The following USH2A variants were observed in gnomAD, a reference collection of about 807,000 sequenced individuals.
USH2A encodes Usher syndrome 2A (autosomal recessive, mild).
USH2A carries 443 observed loss-of-function variants against 538.9 expected under a neutral mutation model. The ratio of observed to expected loss-of-function variants is 0.82; its 90% CI spans 0.76 to 0.89. The LOEUF (loss-of-function observed/expected upper bound fraction) is 0.89. USH2A is among the 40% of genes least tolerant of loss of function. The pLI is 0.00. For missense variants in USH2A, 6,633 were observed against 6,324.8 expected (o/e 1.05, Z -1.65); for synonymous variants, 2,413 against 2,273.5 (o/e 1.06, Z -1.75).
At chr1:215,667,623 G>C (rs1038986196) in intron 64 of USH2A, among the ~76,000 whole-genome samples, 1 of 151,828 alleles carries the variant, frequency 6.6e-6, no homozygotes, top group Non-Finnish European at 1.5e-5. Flanking sequence ...GCTTAAACCC[G>C]GGAGGCGGAG....
chr1:216,261,828 G>A (rs2036379542), intron 11 of USH2A, among the ~76,000 whole-genome samples: 1 of 152,070 alleles, frequency 6.6e-6, no homozygotes, highest in Non-Finnish European at 1.5e-5. Context: ...CCTAAGCTAG[G>A]TGACCCATCA....
intron 32 of USH2A, among the ~76,000 whole-genome samples, chr1:216,017,446 ATCTT>A (rs1169129108): frequency 1.3e-5 from 2 of 152,226 alleles, no homozygotes; most frequent in South Asian, 2.1e-4. Flanking sequence ...ACTTGGCTAA[ATCTT>A]TCTTGCAAAA....
intron 46 of USH2A, among the ~76,000 whole-genome samples, chr1:215,839,724 A>C (rs1450197922): frequency 6.6e-6 from 1 of 152,188 alleles, no homozygotes; most frequent in Non-Finnish European, 1.5e-5. Context: ...ACCTATTTCT[A>C]GTGCTAAAAC....
At chr1:216,152,535 C>T (rs562888653) in intron 21 of USH2A, among the ~76,000 whole-genome samples, 2 of 152,092 alleles carry the variant, frequency 1.3e-5, no homozygotes, top group Admixed American at 1.3e-4. Flanking sequence ...CTGTAATTTT[C>T]CTTTACCTAC....
At chr1:215,630,518 AT>A (rs1558029552) in intron 70 of USH2A, among the ~76,000 whole-genome samples, 2 of 106,452 alleles carry the variant, frequency 1.9e-5, no homozygotes, top group African/African-American at 3.3e-5. Flanking sequence ...ATATATATAT[AT>A]ATATATATGA....
At chr1:215,772,317 T>C (rs935059360) in intron 55 of USH2A, among the ~76,000 whole-genome samples, 2 of 152,218 alleles carry the variant, frequency 1.3e-5, no homozygotes, top group African/African-American at 4.8e-5. Context: ...GAAAACATCA[T>C]TCAAGTGCTC....
intron 35 of USH2A, among the ~76,000 whole-genome samples, chr1:215,971,033 C>T (rs1046135050): frequency 1.3e-5 from 2 of 152,140 alleles, no homozygotes; most frequent in Non-Finnish European, 2.9e-5. Flanking sequence ...CTTTCTATTG[C>T]ATCCTGTTAA....
At chr1:215,863,403 G>C (rs983323865) in intron 44 of USH2A, among the ~76,000 whole-genome samples, 1 of 152,128 alleles carries the variant, frequency 6.6e-6, no homozygotes, top group African/African-American at 2.4e-5. Context: ...ATGAGATTTG[G>C]AATTATTTAC....
intron 37 of USH2A, among the ~76,000 whole-genome samples, chr1:215,961,152 A>G (rs890605687): frequency 1.3e-5 from 2 of 151,978 alleles, no homozygotes; most frequent in Non-Finnish European, 2.9e-5. Context: ...CGATCATCTA[A>G]TAGATATAAA....
intron 20 of USH2A, among the ~76,000 whole-genome samples, chr1:216,187,495 A>T (rs1434701904): frequency 1.3e-5 from 2 of 151,970 alleles, no homozygotes; most frequent in Non-Finnish European, 2.9e-5. Context: ...TCTGAATGAC[A>T]TACTTCTTAC....
At chr1:215,947,687 G>A (rs945189498) in intron 37 of USH2A, among the ~76,000 whole-genome samples, 4 of 152,126 alleles carry the variant, frequency 2.6e-5, no homozygotes, top group Non-Finnish European at 2.9e-5. Context: ...GAAGGAGTGC[G>A]TTGATTTGTT....
Position 215,897,357 on chromosome 1 carries a change from G to A in USH2A, c.7594+2718C>T, listed in dbSNP as rs79056031. 3.3e-3 allele frequency among the ~76,000 whole-genome samples: 501 copies of A among 152,226 alleles called. 17 individuals carry two copies. The East Asian group carries it at 0.062, about 19-fold the overall frequency. On this transcript the variant is annotated intron_variant, in intron 40 of 71. Transcript: ENST00000307340. ...GGGCACGAGGCGACTTCTCTGTTTCGTTCTGTAAGACGATATGTGAAATTT... is the reference window on the plus strand; with the variant it reads ...GGGCACGAGGCGACTTCTCTGTTTCATTCTGTAAGACGATATGTGAAATTT...
chr1:215,829,370 C>G (rs149378296), intron 47 of USH2A, among the ~76,000 whole-genome samples: 23 of 152,184 alleles, frequency 1.5e-4, no homozygotes, highest in African/African-American at 5.5e-4. Flanking sequence ...GTACACTGCA[C>G]GCATATAATC....
At chr1:216,039,170 A>T (rs1415588178) in intron 32 of USH2A, among the ~76,000 whole-genome samples, 7 of 151,994 alleles carry the variant, frequency 4.6e-5, no homozygotes. Flanking sequence ...TGCTCGATGA[A>T]TAAGACTCTT....
chr1:216,171,260 T>A (rs1413455585), intron 21 of USH2A, among the ~76,000 whole-genome samples: 2 of 152,080 alleles, frequency 1.3e-5, no homozygotes, highest in African/African-American at 4.8e-5. Flanking sequence ...AAACATTCTA[T>A]GTTCACAGAA....
chr1:216,345,233 G>A (rs537319844), intron 4 of USH2A, among the ~76,000 whole-genome samples: 67 of 152,118 alleles, frequency 4.4e-4, no homozygotes, highest in African/African-American at 1.5e-3. Context: ...GAGACCACAT[G>A]TTGAAACTTC....
chr1:215,645,901 A>G (rs1378556705), intron 67 of USH2A, among the ~76,000 whole-genome samples: 1 of 152,160 alleles, frequency 6.6e-6, no homozygotes, highest in African/African-American at 2.4e-5. Flanking sequence ...AGATTTTTTC[A>G]TCATATTTAT....
chr1:216,151,968 C>T (rs1572003558), intron 21 of USH2A, among the ~76,000 whole-genome samples: 2 of 152,230 alleles, frequency 1.3e-5, no homozygotes, highest in African/African-American at 4.8e-5. Flanking sequence ...TCCAGGCCAT[C>T]ACCAATCATT....
intron 32 of USH2A, among the ~76,000 whole-genome samples, chr1:216,033,437 G>C (rs1669174132): frequency 6.6e-6 from 1 of 152,096 alleles, no homozygotes; most frequent in South Asian, 2.1e-4. Context: ...TGAACAGAAA[G>C]TTCAAAAGTC....
Sources: gnomAD v4.1 joint callset for allele counts (sites outside exome capture counted in the v4.1 genomes callset) on GRCh38, gnomAD v4.1.1 for gene constraint, MANE v1.5 for transcripts, NCBI Gene and HGNC (gene_info 2026-07-23, HGNC 2026-07-21) for gene names.